The following IMMP2L variants were observed in gnomAD, a reference collection of about 807,000 sequenced individuals.
The protein encoded by IMMP2L is inner mitochondrial membrane peptidase subunit 2.
Under a neutral mutation model 19.3 loss-of-function variants are expected in IMMP2L, and 18 were observed. That is an observed-to-expected ratio of 0.93 (90% CI 0.64 to 1.38). The LOEUF (loss-of-function observed/expected upper bound fraction) is 1.38. IMMP2L is among the 40% of genes most tolerant of loss of function. IMMP2L has a pLI of 0.00. For synonymous variants in IMMP2L, 76 were observed against 73.0 expected (o/e 1.04, Z -0.21); for missense variants, 233 against 218.2 (o/e 1.07, Z -0.43).
At chr7:111,473,004 T>C (rs2132122639) in intron 3 of IMMP2L, among the ~76,000 whole-genome samples, 2 of 152,296 alleles carry the variant, frequency 1.3e-5, no homozygotes, top group South Asian at 4.1e-4. Context: ...GAAGATTATT[T>C]GATTAAGCAA....
At chr7:111,253,454 T>C (rs1202830835) in intron 3 of IMMP2L, among the ~76,000 whole-genome samples, 2 of 151,740 alleles carry the variant, frequency 1.3e-5, no homozygotes, top group Non-Finnish European at 2.9e-5. Context: ...CAAACCAGGG[T>C]GGGAAGGAAT....
intron 3 of IMMP2L, among the ~76,000 whole-genome samples, chr7:111,460,879 T>A (rs1421496584): frequency 6.6e-6 from 1 of 152,122 alleles, no homozygotes; most frequent in Non-Finnish European, 1.5e-5. Flanking sequence ...ACTATGACAC[T>A]AGTAAATCAT....
chr7:111,484,122 C>T (rs1350979628), intron 3 of IMMP2L, among the ~76,000 whole-genome samples: 1 of 152,172 alleles, frequency 6.6e-6, no homozygotes, highest in African/African-American at 2.4e-5. Flanking sequence ...AGCCTCAACC[C>T]TTCCTTATAC....
chr7:111,264,068 A>G (rs1229860541), intron 3 of IMMP2L, among the ~76,000 whole-genome samples: 1 of 152,140 alleles, frequency 6.6e-6, no homozygotes, highest in African/African-American at 2.4e-5. Context: ...TACAGTTATA[A>G]TACTCCATAC....
intron 5 of IMMP2L, among the ~76,000 whole-genome samples, chr7:110,783,775 A>G (rs1799895040): frequency 6.6e-6 from 1 of 151,872 alleles, no homozygotes; most frequent in African/African-American, 2.4e-5. Flanking sequence ...AATGTATGTA[A>G]ATGTGGAGAA....
intron 5 of IMMP2L, among the ~76,000 whole-genome samples, chr7:110,818,273 A>G (rs1244499160): frequency 6.6e-6 from 1 of 152,148 alleles, no homozygotes; most frequent in South Asian, 2.1e-4. Context: ...ACAAGAAAAA[A>G]ACAAACAACC....
chr7:111,372,354 C>A (rs1360932486), intron 3 of IMMP2L, among the ~76,000 whole-genome samples: 2 of 151,848 alleles, frequency 1.3e-5, no homozygotes, highest in Admixed American at 1.3e-4. Flanking sequence ...AAGCTGAATA[C>A]TTCTATAAAA....
At chr7:111,365,795 T>A (rs1053918405) in intron 3 of IMMP2L, among the ~76,000 whole-genome samples, 1 of 152,082 alleles carries the variant, frequency 6.6e-6, no homozygotes, top group African/African-American at 2.4e-5. Context: ...CAGGGCTAGA[T>A]AGAGAAGGTA....
intron 3 of IMMP2L, among the ~76,000 whole-genome samples, chr7:111,138,585 C>A (rs1802570168): frequency 6.6e-6 from 1 of 152,152 alleles, no homozygotes; most frequent in Admixed American, 6.6e-5. Flanking sequence ...AATGTTATTT[C>A]TTGTTCCAAG....
intron 4 of IMMP2L, among the ~76,000 whole-genome samples, chr7:110,952,187 A>G (rs1817897643): frequency 6.6e-6 from 1 of 152,176 alleles, no homozygotes; most frequent in Non-Finnish European, 1.5e-5. Context: ...GGAAGGTACA[A>G]AAGTTACTGT....
chr7:111,392,278 T>A (rs10239002), intron 3 of IMMP2L, among the ~76,000 whole-genome samples: 3,400 of 152,208 alleles, frequency 0.022, 137 homozygotes, highest in African/African-American at 0.077. Flanking sequence ...CACATATAAA[T>A]GATCAATGCC....
At chr7:110,979,099 C>T (rs1820989057) in intron 3 of IMMP2L, among the ~76,000 whole-genome samples, 1 of 152,042 alleles carries the variant, frequency 6.6e-6, no homozygotes, top group African/African-American at 2.4e-5. Flanking sequence ...TTGGACCAAC[C>T]ATGTTCCAGT....
At chr7:111,112,572 C>A (rs1799365495) in intron 3 of IMMP2L, among the ~76,000 whole-genome samples, 1 of 152,138 alleles carries the variant, frequency 6.6e-6, no homozygotes, top group African/African-American at 2.4e-5. Context: ...TCAAAGCTTA[C>A]AGTGGAATGT....
In IMMP2L at chr7:110,745,555, T is replaced by G. The variant is rs572849767; in HGVS notation, c.409-81834A>C. ...CCATCAGACTAACAGTGGATCTCTC[T>G]GCAGAAACCCTACAAGCCAGAAGAG... On this transcript the variant is annotated intron_variant, in intron 5 of 5. Coordinates refer to ENST00000405709, the MANE Select transcript of IMMP2L (RefSeq NM_032549.4). 2.1e-3 allele frequency among the ~76,000 whole-genome samples: 315 copies of G among 152,328 alleles called. 2 individuals are homozygous for G. The highest frequency in any genetic ancestry group is 7.0e-3 in the African/African-American group (291 of 41,568).
intron 3 of IMMP2L, among the ~76,000 whole-genome samples, chr7:111,035,255 A>G (rs1200170974): frequency 6.6e-6 from 1 of 152,166 alleles, no homozygotes; most frequent in Non-Finnish European, 1.5e-5. Context: ...TGTAAAGACA[A>G]TGACAGAAAT....
At chr7:111,109,928 G>A (rs1207383629) in intron 3 of IMMP2L, among the ~76,000 whole-genome samples, 1 of 152,192 alleles carries the variant, frequency 6.6e-6, no homozygotes, top group East Asian at 1.9e-4. Context: ...AAGGTCAGGA[G>A]TTCAAGACCG....
intron 3 of IMMP2L, among the ~76,000 whole-genome samples, chr7:111,069,270 C>T (rs1450134171): frequency 6.6e-6 from 1 of 152,176 alleles, no homozygotes; most frequent in Non-Finnish European, 1.5e-5. Flanking sequence ...GATCAATTAG[C>T]AATGACTTCC....
At chr7:110,900,344 T>C (rs895200577) in intron 4 of IMMP2L, among the ~76,000 whole-genome samples, 2 of 152,092 alleles carry the variant, frequency 1.3e-5, no homozygotes, top group African/African-American at 2.4e-5. Flanking sequence ...CAGAAAACCA[T>C]AGCAAAAAAG....
At chr7:110,735,421 G>C (rs1796551209) in intron 5 of IMMP2L, among the ~76,000 whole-genome samples, 1 of 151,734 alleles carries the variant, frequency 6.6e-6, no homozygotes, top group African/African-American at 2.4e-5. Context: ...CTTGATCTCT[G>C]TGGCCCTGAA....
Sources: allele counts gnomAD v4.1 joint callset (sites outside exome capture counted in the v4.1 genomes callset), GRCh38; gene constraint gnomAD v4.1.1; transcripts MANE v1.5; gene names NCBI Gene and HGNC (gene_info 2026-07-23, HGNC 2026-07-21).